TRAPPC5: variants seen among roughly 807,000 people sequenced by gnomAD.
TRAPPC5 encodes trafficking protein particle complex subunit 5, also known as trafficking protein particle complex 5.
A neutral mutation model predicts 9.8 loss-of-function variants in TRAPPC5; 5 were observed. That is an observed-to-expected ratio of 0.51 (90% CI 0.27 to 1.07). The LOEUF is 1.07. Ranked by LOEUF, TRAPPC5 falls within the 50% of genes least tolerant of loss-of-function variation. The probability of loss-of-function intolerance (pLI) is 0.12; values close to 1 mark genes in which losing one functional copy is unlikely to be tolerated. For synonymous variants in TRAPPC5, 146 were observed against 140.7 expected (o/e 1.04, Z -0.26); for missense variants, 243 against 291.5 (o/e 0.83, Z 1.21).
In TRAPPC5 at chr19:7,682,287, C is replaced by G. The variant is rs1215646687; in HGVS notation, c.34C>G (p.Leu12Val). The G allele has an allele frequency of 2.8e-6, 4 of 1,448,116 alleles. No homozygotes were observed. The African/African-American group carries it at 6.0e-5, about 22-fold the overall frequency. The allele number at this position is 1,448,116 out of a possible 1,614,324, so 89.7% of individuals were successfully genotyped here. The change falls in exon 2 of 2, where the codon CTG (leucine) becomes GTG (valine). Residue 12 changes from leucine to valine, a missense_variant. Coordinates refer to ENST00000596148, the MANE Select transcript of TRAPPC5 (RefSeq NM_001042462.2). The surrounding 1 kb of genome is among the most constrained non-coding windows in gnomAD (Gnocchi z 8.6). ...GCGCTTCACGCGCGGGAAGTCGGCG[C>G]TGCTGGAGCGCGCGCTGGCGCGGCC... is the stretch of plus-strand genomic sequence containing the variant. ...EARFTRGKSA[L>V]LERALARPRT...
Position 7,683,176 on chromosome 19 carries a change from C to G in TRAPPC5, c.*356C>G, listed in dbSNP as rs939256411. Reference sequence around the variant, plus strand: ...TTAGACTGGGGGTGGGCAAACTGCGCAAAGTGCCAGATGGGCAATATTTTA... The same window carrying G: ...TTAGACTGGGGGTGGGCAAACTGCGGAAAGTGCCAGATGGGCAATATTTTA... On this transcript the variant is annotated 3_prime_UTR_variant, in exon 2 of 2. Transcript: ENST00000596148. 1.4e-5 allele frequency: 4 copies of G among 282,646 alleles called. No individual in the cohort carries two copies. In the East Asian group the frequency reaches 2.0e-4, roughly 14 times the overall value. The allele number at this position is 282,646 out of a possible 1,614,324, so 17.5% of individuals were successfully genotyped here.
Position 7,682,165 on chromosome 19 carries a change from C to A in TRAPPC5, c.-12-77C>A, listed in dbSNP as rs964767560. ...GTCGAGGGTGTCCCAGGGCCCCTCGCGGTTCTCCCTCCTTTCCTCCCGGCC... is the reference window on the plus strand; with the variant it reads ...GTCGAGGGTGTCCCAGGGCCCCTCGAGGTTCTCCCTCCTTTCCTCCCGGCC... On this transcript the variant is annotated intron_variant, in intron 1 of 1. Transcript: ENST00000596148. This position sits in a 1 kb window ranked among gnomAD's most constrained non-coding sequence, Gnocchi z 8.6. The A allele has an allele frequency of 1.6e-6, 2 of 1,236,526 alleles. No individual in the cohort carries two copies. The highest frequency in any genetic ancestry group is 2.1e-6 in the Non-Finnish European group (2 of 948,256). 76.6% of individuals were successfully genotyped at this position (1,236,526 alleles called of 1,614,324 possible). A position where few individuals can be genotyped will look rare whatever the true frequency, so the allele number is the denominator to read the frequency against.
At position 7,682,262 on chromosome 19, in the gene TRAPPC5, G is replaced by T. The variant is rs760537404; in HGVS notation, c.9G>T (p.Ala3=). The change falls in exon 2 of 2, where the codon GCG becomes GCT. Residue 3 remains alanine (A), a synonymous_variant. Transcript: ENST00000596148. The surrounding 1 kb of genome is among the most constrained non-coding windows in gnomAD (Gnocchi z 8.6). ME[A]RFTRGKSALL... ...CGCAGGGTGGCGGCGGCATGGAGGC[G>T]CGCTTCACGCGCGGGAAGTCGGCGC... 1.2e-5 allele frequency: 17 copies of T among 1,399,582 alleles called. No homozygotes were observed. The highest frequency in any genetic ancestry group is 1.5e-5 in the Non-Finnish European group (16 of 1,083,558). 86.7% of individuals were successfully genotyped at this position (1,399,582 alleles called of 1,614,324 possible).
Position 7,681,510 on chromosome 19 carries a change from G to A in TRAPPC5, c.-13+632G>A, listed in dbSNP as rs969115379. ...TCTGGGCCCCTCCTCCCAGCCTTCA[G>A]AACCCAGGCCCATCCGCGTCTCAAA... On this transcript the variant is annotated intron_variant, in intron 1 of 1. Transcript: ENST00000596148. This position sits in a 1 kb window ranked among gnomAD's most constrained non-coding sequence, Gnocchi z 8.7. Among the ~76,000 whole-genome samples the A allele has an allele frequency of 2.0e-5, 3 of 152,148 alleles. No homozygotes were observed. The highest frequency in any genetic ancestry group is 7.2e-5 in the African/African-American group (3 of 41,428).
rs1213631249 is a variant in TRAPPC5 at position 7,681,819 on chromosome 19, CA to C, written c.-12-422del. 2.0e-5 allele frequency among the ~76,000 whole-genome samples: 3 copies of C among 151,928 alleles called. No individual in the cohort carries two copies. The highest frequency in any genetic ancestry group is 7.3e-5 in the African/African-American group (3 of 41,358). On this transcript the variant is annotated intron_variant, in intron 1 of 1. Transcript: ENST00000596148. This position sits in a 1 kb window ranked among gnomAD's most constrained non-coding sequence, Gnocchi z 8.7. ...TCCCCTCGTGGTGCCTCATCTTTGT[CA>C]CCTCCCTGCCCTAGATCTGACGCCC...
At position 7,684,544 on chromosome 19, in the gene TRAPPC5, T is replaced by A. The variant is rs996734245; in HGVS notation, c.*1724T>A. 6 of 140,972 alleles carry A rather than the reference T, an allele frequency of 4.3e-5. No homozygotes were observed. The highest frequency in any genetic ancestry group is 1.6e-4 in the African/African-American group (6 of 37,178). 8.7% of individuals were successfully genotyped at this position (140,972 alleles called of 1,614,324 possible). A position where few individuals can be genotyped will look rare whatever the true frequency, so the allele number is the denominator to read the frequency against. ...CCTGGGCAACAAGAGCGAAACTCCA[T>A]CTAAAAAACAAAAAGGTCAGGCGCG... On this transcript the variant is annotated 3_prime_UTR_variant, in exon 2 of 2. Transcript: ENST00000596148.
rs1296206618 is a variant in TRAPPC5, at chr19:7,687,484, A to C, written c.*4664A>C. 1 of 152,600 alleles carries C rather than the reference A, an allele frequency of 6.6e-6. No homozygotes were observed. The allele number at this position is 152,600 out of a possible 1,614,324, so 9.5% of individuals were successfully genotyped here. On this transcript the variant is annotated 3_prime_UTR_variant, in exon 2 of 2. Transcript: ENST00000596148. ...CTCCGGTTGACCGGGCCCACTCCCC[A>C]TCAGCCTGTCCAGCCAGCCAGCACT...
Position 7,682,905 on chromosome 19 carries a change from T to G in TRAPPC5, c.*85T>G. Reference sequence around the variant, plus strand: ...GGCGGCCTTAGATCCACTCAGTACCTTGAGCCACAGCCCTGCCCCAGGCTG... The same window carrying G: ...GGCGGCCTTAGATCCACTCAGTACCGTGAGCCACAGCCCTGCCCCAGGCTG... On this transcript the variant is annotated 3_prime_UTR_variant, in exon 2 of 2. Transcript: ENST00000596148. The surrounding 1 kb of genome is among the most constrained non-coding windows in gnomAD (Gnocchi z 8.6). 1 of 1,407,196 alleles carries G rather than the reference T, an allele frequency of 7.1e-7. No homozygotes were observed. The allele number at this position is 1,407,196 out of a possible 1,614,324, so 87.2% of individuals were successfully genotyped here. A position where few individuals can be genotyped will look rare whatever the true frequency, so the allele number is the denominator to read the frequency against.
In TRAPPC5 at chr19:7,686,533, T is replaced by C. The variant is rs1310482696; in HGVS notation, c.*3713T>C. On this transcript the variant is annotated 3_prime_UTR_variant, in exon 2 of 2. Coordinates refer to ENST00000596148, the MANE Select transcript of TRAPPC5 (RefSeq NM_001042462.2). ...AGATTAATTATTATTATTATTATTA[T>C]TTAGAGATGGAGTCTCACTCTGTCG... is the stretch of plus-strand genomic sequence containing the variant. 1 of 151,078 alleles carries C rather than the reference T, an allele frequency of 6.6e-6. No individual in the cohort carries two copies. The highest frequency in any genetic ancestry group is 1.5e-5 in the Non-Finnish European group (1 of 67,556). The allele number at this position is 151,078 out of a possible 1,614,324, so 9.4% of individuals were successfully genotyped here.
In TRAPPC5 at chr19:7,687,268, G is replaced by GA. The variant is rs2032732801; in HGVS notation, c.*4451dup. 2 of 152,588 alleles carry GA rather than the reference G, an allele frequency of 1.3e-5. No homozygotes were observed. The highest frequency in any genetic ancestry group is 4.8e-5 in the African/African-American group (2 of 41,474). 9.5% of individuals were successfully genotyped at this position (152,588 alleles called of 1,614,324 possible). The stretch of plus-strand genomic sequence containing the variant: ...CTTGGACCTGGAGGTGTTGTCAGGG[G>GA]AAAGGGAAGAGGTGCAATGACCCCA... On this transcript the variant is annotated 3_prime_UTR_variant, in exon 2 of 2. Coordinates refer to ENST00000596148, the MANE Select transcript of TRAPPC5 (RefSeq NM_001042462.2).
In TRAPPC5 at chr19:7,684,813, G is replaced by A. The variant is rs1293910073; in HGVS notation, c.*1993G>A. 6.6e-6 allele frequency: 1 copy of A among 152,082 alleles called. No individual in the cohort carries two copies. The highest frequency in any genetic ancestry group is 1.5e-5 in the Non-Finnish European group (1 of 68,022). 9.4% of individuals were successfully genotyped at this position (152,082 alleles called of 1,614,324 possible). A position where few individuals can be genotyped will look rare whatever the true frequency, so the allele number is the denominator to read the frequency against. ...ACTTTAAAGTTAATTTTAAAGTCCA[G>A]GATGATACAAACACATTTCCCTTGT... On this transcript the variant is annotated 3_prime_UTR_variant, in exon 2 of 2. Transcript: ENST00000596148.
At position 7,685,531 on chromosome 19, in the gene TRAPPC5, G is replaced by T. The variant is rs777682066; in HGVS notation, c.*2711G>T. The T allele has an allele frequency of 6.6e-6, 1 of 152,348 alleles. No homozygotes were observed. Among genetic ancestry groups the T allele is most frequent in the Non-Finnish European group, 1.5e-5 (1 of 68,182 alleles). 9.4% of individuals were successfully genotyped at this position (152,348 alleles called of 1,614,324 possible). A position where few individuals can be genotyped will look rare whatever the true frequency, so the allele number is the denominator to read the frequency against. On this transcript the variant is annotated 3_prime_UTR_variant, in exon 2 of 2. Coordinates refer to ENST00000596148, the MANE Select transcript of TRAPPC5 (RefSeq NM_001042462.2). ...GTTATGAGAAGGGCCAAAGGGGTCG[G>T]TGTCACCTCTAGATTTGTTTAGGAT... is the stretch of plus-strand genomic sequence containing the variant.
In TRAPPC5 at chr19:7,682,617, C is replaced by T. The variant is rs763982767; in HGVS notation, c.364C>T (p.Pro122Ser). Reference protein sequence around the residue: ...ARTFYIIEREPLINTYISVPK... With the variant: ...ARTFYIIERESLINTYISVPK... ...CACCTTCTACATCATCGAGCGCGAG[C>T]CGCTCATCAACACCTACATCTCCGT... The change falls in exon 2 of 2, where the codon CCG becomes TCG. Residue 122 changes from proline to serine, a missense_variant. Pro to Ser is a moderately conservative substitution (Grantham distance 74). Coordinates refer to ENST00000596148, the MANE Select transcript of TRAPPC5 (RefSeq NM_001042462.2). The surrounding 1 kb of genome is among the most constrained non-coding windows in gnomAD (Gnocchi z 8.6). 1.2e-6 allele frequency: 2 copies of T among 1,613,398 alleles called. No homozygotes were observed. The highest frequency in any genetic ancestry group is 1.7e-6 in the Non-Finnish European group (2 of 1,179,988).
chr19:7,681,858 A>C lies in TRAPPC5; in HGVS notation c.-12-384A>C, dbSNP rs1048504994. On this transcript the variant is annotated intron_variant, in intron 1 of 1. Transcript: ENST00000596148. This position sits in a 1 kb window ranked among gnomAD's most constrained non-coding sequence, Gnocchi z 8.7. ...AGATCTGACGCCCCTCCCCCCATAC[A>C]CTAGTTTTCTAGTTACTCCTGTAGG... Among the ~76,000 whole-genome samples the C allele has an allele frequency of 6.6e-6, 1 of 151,548 alleles. No homozygotes were observed. The highest frequency in any genetic ancestry group is 1.5e-5 in the Non-Finnish European group (1 of 67,874).
At position 7,681,292 on chromosome 19, in the gene TRAPPC5, C is replaced by T. The variant is rs2032631589; in HGVS notation, c.-13+414C>T. On this transcript the variant is annotated intron_variant, in intron 1 of 1. Transcript: ENST00000596148. The surrounding 1 kb of genome is among the most constrained non-coding windows in gnomAD (Gnocchi z 8.7). ...GGTCGGCTTAGCATCCACACACCTCCCCATGCATGGTGGGGGCGGGTTCTC... is the reference window on the plus strand; with the variant it reads ...GGTCGGCTTAGCATCCACACACCTCTCCATGCATGGTGGGGGCGGGTTCTC... 6.6e-6 allele frequency among the ~76,000 whole-genome samples: 1 copy of T among 151,904 alleles called. No individual in the cohort carries two copies.
chr19:7,681,551 G>C lies in TRAPPC5; in HGVS notation c.-13+673G>C, dbSNP rs536438854. Among the ~76,000 whole-genome samples, 64 of 152,268 alleles carry C rather than the reference G, an allele frequency of 4.2e-4. No individual in the cohort carries two copies. The highest frequency in any genetic ancestry group is 1.5e-3 in the African/African-American group (63 of 41,546). On this transcript the variant is annotated intron_variant, in intron 1 of 1. Coordinates refer to ENST00000596148, the MANE Select transcript of TRAPPC5 (RefSeq NM_001042462.2). This position sits in a 1 kb window ranked among gnomAD's most constrained non-coding sequence, Gnocchi z 8.7. Reference sequence around the variant, plus strand: ...GCGTCTCAAAGGACGAAGGGTTCCTGCGTGACACATCGGAGCTGCCTGCCT... The same window carrying C: ...GCGTCTCAAAGGACGAAGGGTTCCTCCGTGACACATCGGAGCTGCCTGCCT...
Position 7,682,882 on chromosome 19 carries a change from C to A in TRAPPC5, c.*62C>A. 1 of 1,483,312 alleles carries A rather than the reference C, an allele frequency of 6.7e-7. No individual in the cohort carries two copies. Among genetic ancestry groups the A allele is most frequent in the Admixed American group, 2.1e-5 (1 of 46,824 alleles). 91.9% of individuals were successfully genotyped at this position (1,483,312 alleles called of 1,614,324 possible). ...CACGTGTGTCTTGTGTCTTGTGTGG[C>A]GGCCTTAGATCCACTCAGTACCTTG... On this transcript the variant is annotated 3_prime_UTR_variant, in exon 2 of 2. Coordinates refer to ENST00000596148, the MANE Select transcript of TRAPPC5 (RefSeq NM_001042462.2). The surrounding 1 kb of genome is among the most constrained non-coding windows in gnomAD (Gnocchi z 8.6).
Position 7,682,620 on chromosome 19 carries a change from C to G in TRAPPC5, c.367C>G (p.Leu123Val). ...CTTCTACATCATCGAGCGCGAGCCG[C>G]TCATCAACACCTACATCTCCGTGCC... ...RTFYIIEREP[L>V]INTYISVPKE... Residue 123 changes from leucine to valine, a missense_variant, in exon 2 of 2, where the codon CTC (leucine) becomes GTC (valine). This residue lies in a region of TRAPPC5 where 154 missense variants were observed against 215.8 expected (regional missense o/e 0.71). Transcript: ENST00000596148. This position sits in a 1 kb window ranked among gnomAD's most constrained non-coding sequence, Gnocchi z 8.6. 1 of 1,613,594 alleles carries G rather than the reference C, an allele frequency of 6.2e-7. No homozygotes were observed. The highest frequency in any genetic ancestry group is 8.5e-7 in the Non-Finnish European group (1 of 1,180,006).
chr19:7,685,140 G>A lies in TRAPPC5; in HGVS notation c.*2320G>A, dbSNP rs1351969825. 3.3e-5 allele frequency: 5 copies of A among 151,928 alleles called. No homozygotes were observed. The highest frequency in any genetic ancestry group is 4.4e-5 in the Non-Finnish European group (3 of 67,986). The allele number at this position is 151,928 out of a possible 1,614,324, so 9.4% of individuals were successfully genotyped here. A position where few individuals can be genotyped will look rare whatever the true frequency, so the allele number is the denominator to read the frequency against. On this transcript the variant is annotated 3_prime_UTR_variant, in exon 2 of 2. Transcript: ENST00000596148. Reference sequence around the variant, plus strand: ...CAAAAATTAGCTGGGCGTGGTGGCAGGCACCTGTAATCCCAGCTACTTGGG... The same window carrying A: ...CAAAAATTAGCTGGGCGTGGTGGCAAGCACCTGTAATCCCAGCTACTTGGG...
Sources: gnomAD v4.1 joint callset for allele counts (sites outside exome capture counted in the v4.1 genomes callset) on GRCh38, gnomAD v4.1.1 for gene constraint, gnomAD v4.1.1 regional missense constraint, Gnocchi (gnomAD v3.1) non-coding constraint, MANE v1.5 for transcripts, NCBI Gene and HGNC (gene_info 2026-07-23, HGNC 2026-07-21) for gene names.